The following PRDM1 variants were observed in gnomAD, a reference collection of about 807,000 sequenced individuals.
PRDM1 encodes PR domain zinc finger protein 1.
PRDM1 carries 13 observed loss-of-function variants against 62.8 expected under a neutral mutation model. The ratio of observed to expected loss-of-function variants is 0.21; its 90% CI spans 0.13 to 0.33. PRDM1 has a LOEUF of 0.33. PRDM1 is among the 10% of genes least tolerant of loss of function. The probability of loss-of-function intolerance (pLI) is 1.00; values close to 1 mark genes in which losing one functional copy is unlikely to be tolerated. For missense variants in PRDM1, 895 were observed against 1,058.8 expected, an observed-to-expected ratio of 0.85 and a Z score of 2.15; for synonymous variants, 396 against 417.6, an observed-to-expected ratio of 0.95 and a Z score of 0.63.
At chr6:106,033,525 A>G (rs565436875) in intron 1 of PRDM1, among the ~76,000 whole-genome samples, 35 of 152,208 alleles carry the variant, frequency 2.3e-4, no homozygotes, top group Middle Eastern at 3.4e-3. Flanking sequence ...TCTGTTGACC[A>G]GGCTGGTCTT....
At chr6:106,003,670 A>G (rs780277722) in intron 1 of PRDM1, among the ~76,000 whole-genome samples, 2 of 152,156 alleles carry the variant, frequency 1.3e-5, no homozygotes, top group African/African-American at 2.4e-5. Flanking sequence ...TCTTTTGACC[A>G]CTTAGGAAGA....
chr6:106,055,507 G>C (rs1364377043), intron 1 of PRDM1, among the ~76,000 whole-genome samples: 3 of 152,244 alleles, frequency 2.0e-5, no homozygotes, highest in East Asian at 3.8e-4. Flanking sequence ...TGTCATTTGA[G>C]TATCTGAATC....
At chr6:106,042,725 T>C (rs1773020890) in intron 1 of PRDM1, among the ~76,000 whole-genome samples, 2 of 152,186 alleles carry the variant, frequency 1.3e-5, no homozygotes, top group Non-Finnish European at 2.9e-5. Flanking sequence ...CTCACCCTGC[T>C]GCAGCTATGT....
intron 1 of PRDM1, among the ~76,000 whole-genome samples, chr6:106,041,331 A>T (rs569999246): frequency 1.4e-3 from 207 of 152,358 alleles, no homozygotes; most frequent in Middle Eastern, 3.4e-3. Context: ...TCAGGAGCAG[A>T]ATGAGTCACT....
Position 106,107,572 on chromosome 6 carries a change from AGCTCTGCAAAGCTCTCTC to A in PRDM1, c.*88_*105del. The A allele has an allele frequency of 8.6e-7, 1 of 1,161,992 alleles. No individual in the cohort carries two copies. Among genetic ancestry groups the A allele is most frequent in the South Asian group, 1.6e-5 (1 of 61,796 alleles). 72.0% of individuals were successfully genotyped at this position (1,161,992 alleles called of 1,614,324 possible). On this transcript the variant is annotated 3_prime_UTR_variant, in exon 7 of 7. Coordinates refer to ENST00000369096, the MANE Select transcript of PRDM1 (RefSeq NM_001198.4). ...TAGGAAGTGGCTTGTACATAATCCC[AGCTCTGCAAAGCTCTCTC>A]GACAGCAAATGGTTTCCCCTCACCT...
Position 106,106,806 on chromosome 6 carries a change from A to T in PRDM1, c.1903-105A>T. The T allele has an allele frequency of 7.7e-7, 1 of 1,293,526 alleles. No homozygotes were observed. The highest frequency in any genetic ancestry group is 1.1e-6 in the Non-Finnish European group (1 of 936,292). The allele number at this position is 1,293,526 out of a possible 1,614,324, so 80.1% of individuals were successfully genotyped here. On this transcript the variant is annotated intron_variant, in intron 6 of 6. Coordinates refer to ENST00000369096, the MANE Select transcript of PRDM1 (RefSeq NM_001198.4). The surrounding 1 kb of genome is among the most constrained non-coding windows in gnomAD (Gnocchi z 4.4). ...GCCACAAGGAGGCTTCTCACCTCCT[A>T]GGTTGCTGGGCGTTGGCCGGTAAGC...
At chr6:106,013,642 G>T (rs1772583922) in intron 1 of PRDM1, among the ~76,000 whole-genome samples, 1 of 152,028 alleles carries the variant, frequency 6.6e-6, no homozygotes, top group Admixed American at 6.6e-5. Flanking sequence ...TTTTCTTAAA[G>T]TTCCTTTCTT....
chr6:106,096,412 C>T (rs1774119891), intron 3 of PRDM1, among the ~76,000 whole-genome samples: 1 of 152,138 alleles, frequency 6.6e-6, no homozygotes, highest in Admixed American at 6.5e-5. Context: ...TCCCAAAGTG[C>T]TGGAATTACA....
At chr6:106,025,184 G>T (rs987715400) in intron 1 of PRDM1, among the ~76,000 whole-genome samples, 1 of 152,212 alleles carries the variant, frequency 6.6e-6, no homozygotes, top group African/African-American at 2.4e-5. Flanking sequence ...TAGAGGAGGA[G>T]CAGTGGAGAT....
chr6:106,042,527 C>CA (rs764478792), intron 1 of PRDM1, among the ~76,000 whole-genome samples: 36,593 of 139,514 alleles, frequency 0.26, 4,955 homozygotes, highest in Non-Finnish European at 0.33. Flanking sequence ...AACTCTGTCT[C>CA]AAAAAAAAAA....
Position 106,106,619 on chromosome 6 carries a change from T to G in PRDM1, c.1902+120T>G. 7.3e-7 allele frequency: 1 copy of G among 1,367,712 alleles called. No individual in the cohort carries two copies. The highest frequency in any genetic ancestry group is 1.4e-5 in the South Asian group (1 of 73,936). 84.7% of individuals were successfully genotyped at this position (1,367,712 alleles called of 1,614,324 possible). ...CACCAGATTCTGCGTTGTCCCATCC[T>G]GGACTGATGGCACTATGGTCCTTCC... On this transcript the variant is annotated intron_variant, in intron 6 of 6. Coordinates refer to ENST00000369096, the MANE Select transcript of PRDM1 (RefSeq NM_001198.4). The surrounding 1 kb of genome is among the most constrained non-coding windows in gnomAD (Gnocchi z 4.4).
intron 1 of PRDM1, among the ~76,000 whole-genome samples, chr6:106,007,179 C>T (rs1402176228): frequency 6.6e-6 from 1 of 151,908 alleles, no homozygotes; most frequent in Non-Finnish European, 1.5e-5. Flanking sequence ...CACCTGTAAT[C>T]CCAGCACTTT....
intron 1 of PRDM1, among the ~76,000 whole-genome samples, chr6:106,008,977 G>T (rs1772512952): frequency 6.6e-6 from 1 of 152,144 alleles, no homozygotes; most frequent in Non-Finnish European, 1.5e-5. Context: ...CCAGGTCCAT[G>T]GCCAGGCATT....
At chr6:106,014,852 T>A (rs1026333234) in intron 1 of PRDM1, among the ~76,000 whole-genome samples, 6 of 152,124 alleles carry the variant, frequency 3.9e-5, no homozygotes, top group African/African-American at 1.4e-4. Context: ...ATTATTGTGA[T>A]CAAAAATAGT....
intron 1 of PRDM1, among the ~76,000 whole-genome samples, chr6:106,052,266 G>C (rs1773188581): frequency 1.3e-5 from 2 of 152,118 alleles, no homozygotes; most frequent in Admixed American, 1.3e-4. Flanking sequence ...ACTTGGTCCA[G>C]GGCCTAGAAG....
At chr6:106,037,486 G>A (rs1244351196) in intron 1 of PRDM1, among the ~76,000 whole-genome samples, 2 of 152,022 alleles carry the variant, frequency 1.3e-5, no homozygotes, top group African/African-American at 4.8e-5. Flanking sequence ...ATGATGATGA[G>A]TATGTTGGTT....
intron 1 of PRDM1, among the ~76,000 whole-genome samples, chr6:106,071,426 G>A (rs181518327): frequency 1.4e-3 from 215 of 151,872 alleles, no homozygotes; most frequent in African/African-American, 5.0e-3. Flanking sequence ...CATACATACA[G>A]GTATCTCCAA....
At chr6:106,024,719 G>A (rs545839119) in intron 1 of PRDM1, among the ~76,000 whole-genome samples, 8 of 152,080 alleles carry the variant, frequency 5.3e-5, no homozygotes, top group Admixed American at 2.6e-4. Context: ...TTTTCTGGTG[G>A]CTTTTAACAC....
intron 1 of PRDM1, among the ~76,000 whole-genome samples, chr6:106,016,371 T>C (rs1161218118): frequency 1.3e-5 from 2 of 152,124 alleles, no homozygotes; most frequent in African/African-American, 4.8e-5. Context: ...TAAAAATTTA[T>C]ATTATTTACA....
Sources: gnomAD v4.1 joint callset for allele counts (sites outside exome capture counted in the v4.1 genomes callset) on GRCh38, gnomAD v4.1.1 for gene constraint, Gnocchi (gnomAD v3.1) non-coding constraint, MANE v1.5 for transcripts, NCBI Gene and HGNC (gene_info 2026-07-23, HGNC 2026-07-21) for gene names.